NBN: variants seen among roughly 807,000 people sequenced by gnomAD.
NBN encodes nibrin.
In NBN, 88 loss-of-function variants were observed where a neutral mutation model predicts 90.8. That is an observed-to-expected ratio of 0.97 (90% CI 0.82 to 1.16). The LOEUF is 1.16. Among genes scored for constraint, NBN ranks in the 50% most tolerant of loss-of-function variants. The probability of loss-of-function intolerance (pLI) is 0.00; values close to 1 mark genes in which losing one functional copy is unlikely to be tolerated. For synonymous variants in NBN, 328 were observed against 295.1 expected (o/e 1.11, Z -1.14); for missense variants, 894 against 869.6 (o/e 1.03, Z -0.35).
chr8:89,970,441 T>C lies in NBN; in HGVS notation c.819A>G (p.Thr273=), dbSNP rs147660518. ...TTAAGGTCTGTGAGTTTGTTATTCCTGTATCAACAACACACGTTCCCGGAG... is the reference window on the plus strand; with the variant it reads ...TTAAGGTCTGTGAGTTTGTTATTCCCGTATCAACAACACACGTTCCCGGAG... The part of the protein sequence containing the change: ...FLAPGTCVVD[T]GITNSQTLIP... Residue 273 remains threonine, a synonymous_variant, in exon 7 of 16, where the codon ACA becomes ACG. Coordinates refer to ENST00000265433, the MANE Select transcript of NBN (RefSeq NM_002485.5). 2 of 1,614,056 alleles carry C rather than the reference T, an allele frequency of 1.2e-6. No individual in the cohort carries two copies. Among genetic ancestry groups the C allele is most frequent in the Non-Finnish European group, 1.7e-6 (2 of 1,179,938 alleles).
At chr8:89,958,584 TA>T in intron 9 of NBN, 140 bp downstream of exon 9, 4 of 1,068,098 alleles carry the variant, frequency 3.7e-6, no homozygotes, top group Non-Finnish European at 4.2e-6. Flanking sequence ...ACCCTTGTCC[TA>T]AGATATCATT....
intron 1 of NBN, among the ~76,000 whole-genome samples, chr8:89,983,537 T>A (rs1053607020): frequency 6.6e-6 from 1 of 152,088 alleles, no homozygotes; most frequent in African/African-American, 2.4e-5. Flanking sequence ...GGACCATGAG[T>A]AAACAACACA....
rs374638426 is a variant in NBN, at chr8:89,946,210, G to C, written c.2000C>G (p.Ser667Cys). The C allele has an allele frequency of 1.9e-6, 3 of 1,599,826 alleles. No individual in the cohort carries two copies. The highest frequency in any genetic ancestry group is 2.2e-5 in the South Asian group (2 of 90,712). The stretch of plus-strand genomic sequence containing the variant: ...TATGCCAGATGGATTTCTGGAAGTA[G>C]AGTTTTTAATCACCAGTGATCTAAA... ...TEFRSLVIKNSTSRNPSGIND... is the reference protein window; with the variant it reads ...TEFRSLVIKNCTSRNPSGIND... Residue 667 changes from serine to cysteine, a missense_variant, in exon 13 of 16, where the codon TCT becomes TGT. Transcript: ENST00000265433.
chr8:89,982,393 G>T, intron 2 of NBN: 1 of 363,468 alleles, frequency 2.8e-6, no homozygotes, highest in Non-Finnish European at 5.1e-6. Flanking sequence ...ACTGCTAATG[G>T]CAAAAACAGC....
chr8:89,974,415 TAAACTGTC>T (rs1811657260), intron 5 of NBN, among the ~76,000 whole-genome samples: 1 of 152,196 alleles, frequency 6.6e-6, no homozygotes, highest in South Asian at 2.1e-4. Context: ...ATAAGCTTCC[TAAACTGTC>T]AAACTTTCAT....
At chr8:89,936,719 G>A (rs866972326) in intron 15 of NBN, among the ~76,000 whole-genome samples, 1 of 152,074 alleles carries the variant, frequency 6.6e-6, no homozygotes, top group African/African-American at 2.4e-5. Flanking sequence ...AAACTCAATC[G>A]TAATTCTACT....
At chr8:89,958,050 T>A (rs1677009310) in intron 9 of NBN, among the ~76,000 whole-genome samples, 1 of 152,108 alleles carries the variant, frequency 6.6e-6, no homozygotes, top group Non-Finnish European at 1.5e-5. Context: ...CAGTGACAGA[T>A]CATCAGGCAT....
intron 8 of NBN, among the ~76,000 whole-genome samples, chr8:89,963,260 C>G (rs1462739989): frequency 6.6e-6 from 1 of 152,166 alleles, no homozygotes; most frequent in East Asian, 1.9e-4. Flanking sequence ...GCAGAGCACT[C>G]AGGAGATACA....
At chr8:89,957,616 T>A (rs890878804) in intron 9 of NBN, among the ~76,000 whole-genome samples, 19 of 152,342 alleles carry the variant, frequency 1.2e-4, no homozygotes, top group African/African-American at 4.6e-4. Flanking sequence ...CTTCCAGTCC[T>A]ACAAGCTCCA....
At chr8:89,944,483 G>T (rs964397916) in intron 13 of NBN, among the ~76,000 whole-genome samples, 2 of 152,058 alleles carry the variant, frequency 1.3e-5, no homozygotes. Flanking sequence ...CAGTCCTCTC[G>T]CTGAGGCACC....
At chr8:89,951,705 CTT>C (rs927303794) in intron 11 of NBN, among the ~76,000 whole-genome samples, 18 of 152,196 alleles carry the variant, frequency 1.2e-4, no homozygotes, top group African/African-American at 3.1e-4. Flanking sequence ...ATACAAATCT[CTT>C]GTTTCACTTA....
chr8:89,964,196 A>C (rs1811132028), intron 8 of NBN, among the ~76,000 whole-genome samples: 1 of 152,220 alleles, frequency 6.6e-6, no homozygotes, highest in Non-Finnish European at 1.5e-5. Context: ...TATAATAACA[A>C]GGATCTTTCT....
chr8:89,945,954 AT>A (rs1228894247), intron 13 of NBN, among the ~76,000 whole-genome samples, 185 bp downstream of exon 13: 1 of 152,164 alleles, frequency 6.6e-6, no homozygotes, highest in African/African-American at 2.4e-5. Context: ...AATCTATTTC[AT>A]TCTAGGTGTT....
At chr8:89,977,411 T>G (rs971270033) in intron 5 of NBN, among the ~76,000 whole-genome samples, 2 of 152,212 alleles carry the variant, frequency 1.3e-5, no homozygotes, top group African/African-American at 2.4e-5. Context: ...CATTCTCTTT[T>G]ATGGCTGCAT....
intron 9 of NBN, among the ~76,000 whole-genome samples, chr8:89,957,945 GAA>G (rs754489413): frequency 2.6e-5 from 4 of 152,038 alleles, no homozygotes; most frequent in Non-Finnish European, 4.4e-5. Context: ...AATATATAAT[GAA>G]AAAATTATAC....
At chr8:89,943,038 C>CA (rs1810019459) in intron 14 of NBN, among the ~76,000 whole-genome samples, 1 of 139,676 alleles carries the variant, frequency 7.2e-6, no homozygotes, top group African/African-American at 2.6e-5. Context: ...TAGGTCTCAC[C>CA]TTTTTTTTTT....
chr8:89,968,112 G>A (rs928732761), intron 7 of NBN, among the ~76,000 whole-genome samples: 1 of 152,000 alleles, frequency 6.6e-6, no homozygotes, highest in African/African-American at 2.4e-5. Context: ...AAAGAAATTA[G>A]CAGCAACGTG....
intron 4 of NBN, among the ~76,000 whole-genome samples, chr8:89,979,286 T>A (rs1300461106): frequency 6.6e-6 from 1 of 152,194 alleles, no homozygotes; most frequent in African/African-American, 2.4e-5. Flanking sequence ...GCCATGAATA[T>A]GCTTTCAATA....
Position 89,978,229 on chromosome 8 carries a change from T to C in NBN, c.575A>G (p.Gln192Arg). 1 of 1,604,208 alleles carries C rather than the reference T, an allele frequency of 6.2e-7. No individual in the cohort carries two copies. Among genetic ancestry groups the C allele is most frequent in the Non-Finnish European group, 8.5e-7 (1 of 1,171,156 alleles). The change falls in exon 5 of 16, where the codon CAA becomes CGA. Residue 192 changes from glutamine to arginine, a missense_variant. Transcript: ENST00000265433. ...AAAATACATAATATACCTTTCAATT[T>C]GTGGAGGCTGCTTCTTGGACTCAAC... The part of the protein sequence containing the change: ...KAVESKKQPP[Q>R]IESFYPPLDE...
Sources: gnomAD v4.1 joint callset for allele counts (sites outside exome capture counted in the v4.1 genomes callset) on GRCh38, gnomAD v4.1.1 for gene constraint, MANE v1.5 for transcripts, NCBI Gene and HGNC (gene_info 2026-07-23, HGNC 2026-07-21) for gene names.